The following RNF216 variants were observed in gnomAD, a reference collection of about 807,000 sequenced individuals.
The protein encoded by RNF216 is ring finger protein 216.
A neutral mutation model predicts 110.8 loss-of-function variants in RNF216; 72 were observed. That is an observed-to-expected ratio of 0.65 (90% CI 0.54 to 0.79). RNF216 has a LOEUF of 0.79. Ranked by LOEUF, RNF216 falls within the 30% of genes least tolerant of loss-of-function variation. The pLI is 0.00. For missense variants in RNF216, 1,342 were observed against 1,141.2 expected, an observed-to-expected ratio of 1.18 and a Z score of -2.54; for synonymous variants, 495 against 407.5, an observed-to-expected ratio of 1.21 and a Z score of -2.59.
intron 13 of RNF216, among the ~76,000 whole-genome samples, chr7:5,701,110 G>A (rs1283744241): frequency 6.6e-6 from 1 of 152,130 alleles, no homozygotes; most frequent in African/African-American, 2.4e-5. Context: ...GCACACACAC[G>A]ACAGCCTCCC....
At chr7:5,728,087 A>C (rs1460468931) in intron 7 of RNF216, among the ~76,000 whole-genome samples, 1 of 152,064 alleles carries the variant, frequency 6.6e-6, no homozygotes, top group Non-Finnish European at 1.5e-5. Flanking sequence ...ATTCGTGATT[A>C]TTTCTCTCCA....
chr7:5,695,613 C>T (rs1156652296), intron 13 of RNF216, among the ~76,000 whole-genome samples: 1 of 152,150 alleles, frequency 6.6e-6, no homozygotes, highest in African/African-American at 2.4e-5. Flanking sequence ...AAATGAATTG[C>T]TTGCTAGCAG....
chr7:5,648,906 T>C (rs573866502), intron 14 of RNF216, among the ~76,000 whole-genome samples: 1 of 152,114 alleles, frequency 6.6e-6, no homozygotes, highest in Admixed American at 6.5e-5. Flanking sequence ...TAAAGCTAAT[T>C]TGAGATAATT....
intron 15 of RNF216, among the ~76,000 whole-genome samples, chr7:5,627,352 C>T (rs1446855956): frequency 6.6e-6 from 1 of 152,220 alleles, no homozygotes. Flanking sequence ...AGGAGTGTGG[C>T]AGCCTTGGCC....
At chr7:5,707,024 C>G (rs896135669) in intron 13 of RNF216, among the ~76,000 whole-genome samples, 5 of 152,232 alleles carry the variant, frequency 3.3e-5, no homozygotes, top group African/African-American at 1.2e-4. Flanking sequence ...CACCATTAAT[C>G]AGAGACTACC....
At chr7:5,708,547 A>G (rs754784445) in intron 13 of RNF216, among the ~76,000 whole-genome samples, 3 of 152,240 alleles carry the variant, frequency 2.0e-5, no homozygotes, top group Non-Finnish European at 4.4e-5. Flanking sequence ...CTTTCAGTAC[A>G]GTACTCAATA....
intron 8 of RNF216, among the ~76,000 whole-genome samples, chr7:5,721,445 C>T (rs554574498): frequency 6.6e-6 from 1 of 152,162 alleles, no homozygotes; most frequent in Non-Finnish European, 1.5e-5. Flanking sequence ...TGTGAATATA[C>T]CACAATTTAT....
At chr7:5,659,434 A>G (rs1788958801) in intron 13 of RNF216, among the ~76,000 whole-genome samples, 1 of 152,182 alleles carries the variant, frequency 6.6e-6, no homozygotes, top group Non-Finnish European at 1.5e-5. Flanking sequence ...TCAGGGCAGG[A>G]GAGGGTCCGT....
intron 13 of RNF216, among the ~76,000 whole-genome samples, chr7:5,684,098 T>C (rs1412495595): frequency 8.5e-5 from 11 of 128,702 alleles, no homozygotes; most frequent in Non-Finnish European, 1.8e-4. Flanking sequence ...GGCCTTCTTT[T>C]TTTTTTTTTT....
chr7:5,652,523 G>A lies in RNF216; in HGVS notation c.2062-13C>T. On this transcript the variant is annotated splice_polypyrimidine_tract_variant and intron_variant, in intron 13 of 16. Coordinates refer to ENST00000389902, the MANE Select transcript of RNF216 (RefSeq NM_207111.4). ...TCCTACAGGTTTCCTGGGGATAAAG[G>A]ACAGACACAAAGACAACTCCTGGTG... 6.3e-7 allele frequency: 1 copy of A among 1,585,322 alleles called. No individual in the cohort carries two copies. The highest frequency in any genetic ancestry group is 1.1e-5 in the South Asian group (1 of 90,504).
chr7:5,657,425 G>A (rs1220580590), intron 13 of RNF216, among the ~76,000 whole-genome samples: 3 of 152,088 alleles, frequency 2.0e-5, no homozygotes, highest in Non-Finnish European at 2.9e-5. Flanking sequence ...AAATTAGCTG[G>A]GCGTGGTGGC....
intron 14 of RNF216, among the ~76,000 whole-genome samples, chr7:5,642,031 T>A (rs1169503670): frequency 8.4e-6 from 1 of 118,568 alleles, no homozygotes; most frequent in Non-Finnish European, 1.6e-5. Flanking sequence ...AGACTCTATC[T>A]TAAAAAAAAA....
At chr7:5,753,647 G>T (rs1252634478) in intron 2 of RNF216, among the ~76,000 whole-genome samples, 2 of 152,058 alleles carry the variant, frequency 1.3e-5, no homozygotes, top group East Asian at 1.9e-4. Context: ...ACACAAACTG[G>T]TATTTTTTCC....
intron 13 of RNF216, among the ~76,000 whole-genome samples, chr7:5,697,907 G>C (rs1791727392): frequency 6.6e-6 from 1 of 152,172 alleles, no homozygotes; most frequent in South Asian, 2.1e-4. Flanking sequence ...GAGCAGGGGA[G>C]AGAAGGGCAA....
chr7:5,732,427 G>A (rs1794147616), intron 5 of RNF216, among the ~76,000 whole-genome samples: 1 of 152,074 alleles, frequency 6.6e-6, no homozygotes, highest in Non-Finnish European at 1.5e-5. Context: ...AAATACAGAT[G>A]GAACAGTAGA....
At chr7:5,762,342 G>A (rs1795977952) in intron 1 of RNF216, among the ~76,000 whole-genome samples, 1 of 151,834 alleles carries the variant, frequency 6.6e-6, no homozygotes, top group African/African-American at 2.4e-5. Flanking sequence ...GGCCAACATG[G>A]TGAAACCCCA....
intron 14 of RNF216, among the ~76,000 whole-genome samples, chr7:5,646,399 GA>G (rs1279333167): frequency 2.0e-5 from 3 of 149,388 alleles, no homozygotes; most frequent in East Asian, 2.0e-4. Context: ...AAAACAAAAG[GA>G]AAAAAAAAGG....
Position 5,741,509 on chromosome 7 carries a change from C to T in RNF216, c.508G>A (p.Val170Ile), listed in dbSNP as rs1396943433. Residue 170 changes from valine to isoleucine, a missense_variant, in exon 4 of 17, where the codon GTC becomes ATC. Coordinates refer to ENST00000389902, the MANE Select transcript of RNF216 (RefSeq NM_207111.4). ...ACTTTCTGCTCTGATCTGGGGTTGA[C>T]AATGTCATTTGCTGCTTGGTTATGA... ...PSHNQAANDI[V>I]NPRSEQKVII... The T allele has an allele frequency of 6.2e-7, 1 of 1,614,196 alleles. No homozygotes were observed. The highest frequency in any genetic ancestry group is 2.2e-5 in the East Asian group (1 of 44,894).
chr7:5,639,665 G>A (rs554175465), intron 15 of RNF216, among the ~76,000 whole-genome samples: 2 of 151,992 alleles, frequency 1.3e-5, no homozygotes, highest in South Asian at 2.1e-4. Context: ...TCACCATATT[G>A]GTCAGGCTGG....
Sources: allele counts gnomAD v4.1 joint callset (sites outside exome capture counted in the v4.1 genomes callset), GRCh38; gene constraint gnomAD v4.1.1; transcripts MANE v1.5; gene names NCBI Gene and HGNC (gene_info 2026-07-23, HGNC 2026-07-21).